Variants in NMNAT1 observed in about 807,000 individuals in gnomAD.
NMNAT1 encodes the protein nicotinamide/nicotinic acid mononucleotide adenylyltransferase 1.
Under a neutral mutation model 16.7 loss-of-function variants are expected in NMNAT1, and 11 were observed. The ratio of observed to expected loss-of-function variants is 0.66; its 90% CI spans 0.41 to 1.09. The LOEUF is 1.09. Ranked by LOEUF, NMNAT1 falls within the 50% of genes least tolerant of loss-of-function variation. The probability of loss-of-function intolerance (pLI) is 0.00; values close to 1 mark genes in which losing one functional copy is unlikely to be tolerated. For synonymous variants in NMNAT1, 110 were observed against 119.8 expected (o/e 0.92, Z 0.53); for missense variants, 280 against 332.3 (o/e 0.84, Z 1.22).
At chr1:9,944,556 C>T (rs1000140613) in intron 1 of NMNAT1, among the ~76,000 whole-genome samples, 1 of 152,070 alleles carries the variant, frequency 6.6e-6, no homozygotes, top group Non-Finnish European at 1.5e-5. Context: ...AGCTGTGTTG[C>T]CCAGGCTGGA....
intron 3 of NMNAT1, among the ~76,000 whole-genome samples, chr1:9,977,949 C>T (rs754526349): frequency 1.3e-4 from 20 of 152,154 alleles, no homozygotes; most frequent in Admixed American, 1.2e-3. Flanking sequence ...AAACCAATTC[C>T]GCTTCTGCTG....
chr1:9,951,224 T>G (rs914271269), intron 1 of NMNAT1: 7 of 152,190 alleles, frequency 4.6e-5, no homozygotes, highest in Non-Finnish European at 1.0e-4. Flanking sequence ...GAAGTTTTCT[T>G]GCTTACCTGT....
At chr1:9,945,234 A>AC in intron 1 of NMNAT1, among the ~76,000 whole-genome samples, 1 of 152,104 alleles carries the variant, frequency 6.6e-6, no homozygotes. Flanking sequence ...TCCGTCTTAA[A>AC]AAAACAAAAC....
chr1:9,960,916 T>A (rs889829688), intron 1 of NMNAT1: 1 of 152,174 alleles, frequency 6.6e-6, no homozygotes, highest in Non-Finnish European at 1.5e-5. Flanking sequence ...GCATGTGCCC[T>A]GCAATGATAT....
At chr1:9,989,025 G>A (rs1238795685), downstream of NMNAT1, among the ~76,000 whole-genome samples, 1 of 152,138 alleles carries the variant, frequency 6.6e-6, no homozygotes, top group Non-Finnish European at 1.5e-5. Flanking sequence ...GCAGAAGAGG[G>A]TGGGTCCCCA....
rs185763742 is a variant in NMNAT1, at chr1:9,974,992, G to T, written c.116-600G>T. Among the ~76,000 whole-genome samples the T allele has an allele frequency of 3.3e-4, 51 of 152,244 alleles. 1 individual carries two copies. Among genetic ancestry groups the T allele is most frequent in the Admixed American group, 2.9e-3 (45 of 15,272 alleles). On this transcript the variant is annotated intron_variant, in intron 2 of 4. Coordinates refer to ENST00000377205, the MANE Select transcript of NMNAT1 (RefSeq NM_022787.4). ...ACAAAGTAATTTGGCAATATCAATA[G>T]AAATTTAACTGTATAGGGGAATGAG...
chr1:9,980,599 C>T (rs1321349616), intron 3 of NMNAT1, among the ~76,000 whole-genome samples: 2 of 151,550 alleles, frequency 1.3e-5, no homozygotes, highest in East Asian at 2.0e-4. Flanking sequence ...TCAGCCTGGG[C>T]GTCAGAGCAA....
chr1:9,980,999 G>A (rs2101713085), intron 3 of NMNAT1, 32 bp from the exon 4 acceptor site: 1 of 1,586,668 alleles, frequency 6.3e-7, no homozygotes, highest in Non-Finnish European at 8.5e-7. Context: ...ATGTGAGAAA[G>A]AGAAATATTC....
the NMNAT1 span, among the ~76,000 whole-genome samples, chr1:9,992,213 G>C: frequency 2.2e-4 from 33 of 151,592 alleles, no homozygotes; most frequent in African/African-American, 8.0e-4. Context: ...CTCCCGAGTA[G>C]CTGGGACTAC....
At chr1:9,989,732 T>C (rs1363267665), downstream of NMNAT1, among the ~76,000 whole-genome samples, 2 of 152,188 alleles carry the variant, frequency 1.3e-5, no homozygotes, top group Non-Finnish European at 2.9e-5. Flanking sequence ...ACCTCATTCC[T>C]CCTGGACACT....
intron 1 of NMNAT1, among the ~76,000 whole-genome samples, 176 bp from the exon 2 acceptor site, chr1:9,971,842 T>C (rs1389120618): frequency 6.6e-6 from 1 of 152,032 alleles, no homozygotes; most frequent in Non-Finnish European, 1.5e-5. Context: ...TATTGGTATG[T>C]GCCTGTGTTC....
rs1641968442 is a variant in NMNAT1, at chr1:9,982,411, A to G, written c.550A>G (p.Ile184Val). The change falls in exon 5 of 5, where the codon ATA (isoleucine) becomes GTA (valine). Residue 184 changes from isoleucine (I) to valine (V), a missense_variant. Coordinates refer to ENST00000377205, the MANE Select transcript of NMNAT1 (RefSeq NM_022787.4). ...ITQIVANYGL[I>V]CVTRAGNDAQ... is the part of the protein sequence containing the mutation. Reference sequence around the variant, plus strand: ...CCAAATCGTGGCCAACTATGGGCTCATATGTGTTACTCGGGCTGGAAATGA... The same window carrying G: ...CCAAATCGTGGCCAACTATGGGCTCGTATGTGTTACTCGGGCTGGAAATGA... 3.7e-6 allele frequency: 6 copies of G among 1,614,036 alleles called. No individual in the cohort carries two copies. The Admixed American group carries it at 5.0e-5, about 13-fold the overall frequency.
chr1:9,978,800 T>G (rs1641871158), intron 3 of NMNAT1, among the ~76,000 whole-genome samples: 2 of 152,220 alleles, frequency 1.3e-5, no homozygotes, highest in Non-Finnish European at 1.5e-5. Context: ...ATTGCACAGT[T>G]TGAAAACAGT....
chr1:9,982,456 G>T lies in NMNAT1; in HGVS notation c.595G>T (p.Glu199Ter). ...AAATGATGCTCAGAAGTTTATCTATGAATCGGATGTGCTGTGGAAACACCG... is the reference window on the plus strand; with the variant it reads ...AAATGATGCTCAGAAGTTTATCTATTAATCGGATGTGCTGTGGAAACACCG... ...AGNDAQKFIY[E>*]SDVLWKHRSN... The change falls in exon 5 of 5, where the codon GAA (glutamate) becomes TAA (stop). Residue 199 changes from glutamate (E) to a stop codon, truncating the protein, a stop_gained. Transcript: ENST00000377205. LOFTEE classifies it high-confidence loss of function. 2 of 1,614,138 alleles carry T rather than the reference G, an allele frequency of 1.2e-6. No homozygotes were observed. The highest frequency in any genetic ancestry group is 2.2e-5 in the South Asian group (2 of 91,078).
rs1642028475 is a variant in NMNAT1, at chr1:9,985,121, T to A, written c.*2420T>A. 1 of 152,172 alleles carries A rather than the reference T, an allele frequency of 6.6e-6. No individual in the cohort carries two copies. Among genetic ancestry groups the A allele is most frequent in the Admixed American group, 6.6e-5 (1 of 15,250 alleles). 9.4% of individuals were successfully genotyped at this position (152,172 alleles called of 1,614,324 possible). A position where few individuals can be genotyped will look rare whatever the true frequency, so the allele number is the denominator to read the frequency against. The stretch of plus-strand genomic sequence containing the variant: ...GAGGCCCATTCCTCTAACATTCTCA[T>A]AATTTTTCTCAAAGGCCTATGATCT... On this transcript the variant is annotated 3_prime_UTR_variant, in exon 5 of 5. Coordinates refer to ENST00000377205, the MANE Select transcript of NMNAT1 (RefSeq NM_022787.4).
At chr1:9,961,916 G>A (rs1273465392) in intron 1 of NMNAT1, among the ~76,000 whole-genome samples, 2 of 151,998 alleles carry the variant, frequency 1.3e-5, no homozygotes, top group Admixed American at 1.3e-4. Flanking sequence ...TTATGGGCAT[G>A]TGCCACCATA....
the NMNAT1 span, among the ~76,000 whole-genome samples, chr1:9,995,093 A>G: frequency 6.6e-6 from 1 of 152,104 alleles, no homozygotes; most frequent in African/African-American, 2.4e-5. Context: ...GGGAGAGGTC[A>G]TAAATTGACA....
chr1:9,983,874 G>A lies in NMNAT1; in HGVS notation c.*1173G>A, dbSNP rs1642002107. 1 of 152,136 alleles carries A rather than the reference G, an allele frequency of 6.6e-6. No homozygotes were observed. The highest frequency in any genetic ancestry group is 1.5e-5 in the Non-Finnish European group (1 of 68,040). The allele number at this position is 152,136 out of a possible 1,614,324, so 9.4% of individuals were successfully genotyped here. ...CTGGGAAACTACACCTAGTTCATCT[G>A]AAGTGTCACGTAAACTGCAGAAAGT... On this transcript the variant is annotated 3_prime_UTR_variant, in exon 5 of 5. Transcript: ENST00000377205.
the NMNAT1 span, among the ~76,000 whole-genome samples, chr1:9,993,243 C>T: frequency 7.2e-5 from 11 of 152,116 alleles, no homozygotes; most frequent in African/African-American, 2.7e-4. Flanking sequence ...CTTCAGGAGG[C>T]CTAGGTGGGT....
Sources: allele counts gnomAD v4.1 joint callset (sites outside exome capture counted in the v4.1 genomes callset), GRCh38; gene constraint gnomAD v4.1.1; transcripts MANE v1.5; gene names NCBI Gene and HGNC (gene_info 2026-07-23, HGNC 2026-07-21).